Variants in ATP2B1 observed in about 807,000 individuals in gnomAD.
ATP2B1 encodes the protein ATPase plasma membrane Ca2+ transporting 1.
ATP2B1 carries 14 observed loss-of-function variants against 124.2 expected under a neutral mutation model. The ratio of observed to expected loss-of-function variants is 0.11; its 90% CI spans 0.07 to 0.18. The LOEUF (loss-of-function observed/expected upper bound fraction) is 0.18. Among genes scored for constraint, ATP2B1 ranks in the 10% least tolerant of loss-of-function variants. The pLI, the probability that ATP2B1 is intolerant of heterozygous loss-of-function variation, is 1.00. For missense variants in ATP2B1, 763 were observed against 1,466.1 expected, an observed-to-expected ratio of 0.52 and a Z score of 7.83; for synonymous variants, 449 against 492.4, an observed-to-expected ratio of 0.91 and a Z score of 1.17.
intron 1 of ATP2B1, among the ~76,000 whole-genome samples, chr12:89,707,200 T>A (rs1237289138): frequency 6.6e-6 from 1 of 152,090 alleles, no homozygotes; most frequent in Non-Finnish European, 1.5e-5. Flanking sequence ...TCGGGAAGGC[T>A]GGCATCGGGG....
intron 12 of ATP2B1, chr12:89,612,269 ACAAT>A (rs1271273898): frequency 1.3e-5 from 2 of 152,174 alleles, no homozygotes; most frequent in African/African-American, 4.8e-5. Context: ...TCAGTATAAC[ACAAT>A]CAGTGTTTGT....
Position 89,635,166 on chromosome 12 carries a change from C to A in ATP2B1, c.492G>T (p.Val164=). The part of the protein sequence containing the change: ...IEGAAILLSV[V]CVVLVTAFND... ...TGAAAGCTGTTACTAACACCACACA[C>A]ACTACAGACAAGAGGATTGCAGCTC... The change falls in exon 4 of 21, where the codon GTG becomes GTT. Residue 164 remains valine (V), a synonymous_variant. Coordinates refer to ENST00000428670, the MANE Select transcript of ATP2B1 (RefSeq NM_001366521.1). 1 of 1,613,938 alleles carries A rather than the reference C, an allele frequency of 6.2e-7. No individual in the cohort carries two copies. The highest frequency in any genetic ancestry group is 8.5e-7 in the Non-Finnish European group (1 of 1,179,886).
chr12:89,591,419 T>A, intron 20 of ATP2B1, 124 bp from the exon 21 acceptor site: 1 of 796,466 alleles, frequency 1.3e-6, no homozygotes, highest in Non-Finnish European at 1.9e-6. Flanking sequence ...TGTAATGCAG[T>A]GGAACTTGCA....
intron 20 of ATP2B1, chr12:89,594,882 T>C (rs574526475): frequency 3.3e-5 from 5 of 152,082 alleles, no homozygotes; most frequent in African/African-American, 1.2e-4. Flanking sequence ...CTACAACAAA[T>C]TGCCCACTTC....
intron 1 of ATP2B1, among the ~76,000 whole-genome samples, chr12:89,704,307 T>A (rs866906381): frequency 2.4e-4 from 36 of 152,194 alleles, no homozygotes; most frequent in African/African-American, 8.2e-4. Context: ...AAATATAGTA[T>A]TTCAGATACG....
chr12:89,605,128 T>C (rs1876584938), intron 15 of ATP2B1, among the ~76,000 whole-genome samples: 3 of 152,288 alleles, frequency 2.0e-5, no homozygotes, highest in Admixed American at 6.5e-5. Flanking sequence ...GACTCTTCTG[T>C]ACAAAGTTCA....
intron 1 of ATP2B1, among the ~76,000 whole-genome samples, chr12:89,688,090 C>T (rs1193291917): frequency 6.6e-6 from 1 of 152,028 alleles, no homozygotes; most frequent in Non-Finnish European, 1.5e-5. Flanking sequence ...CCCAAAGGCA[C>T]TCACTTTCTT....
chr12:89,685,806 A>G (rs1391478222), intron 1 of ATP2B1, among the ~76,000 whole-genome samples: 1 of 152,126 alleles, frequency 6.6e-6, no homozygotes, highest in Non-Finnish European at 1.5e-5. Context: ...TAAGCATTAA[A>G]ACAGGTCTTA....
chr12:89,647,043 G>A (rs1157595081), intron 2 of ATP2B1, among the ~76,000 whole-genome samples: 2 of 152,220 alleles, frequency 1.3e-5, no homozygotes, highest in Non-Finnish European at 2.9e-5. Context: ...AGAAAGTAAA[G>A]TATGAGATAT....
At chr12:89,598,063 A>AAAAAAAAAAAAAAAG (rs1875031990) in intron 20 of ATP2B1, among the ~76,000 whole-genome samples, 1 of 145,336 alleles carries the variant, frequency 6.9e-6, no homozygotes, top group Non-Finnish European at 1.5e-5. Flanking sequence ...AAAAAAAAAA[A>AAAAAAAAAAAAAAAG]TCAAAGCAAG....
At chr12:89,705,257 C>T in intron 1 of ATP2B1, among the ~76,000 whole-genome samples, 1 of 152,092 alleles carries the variant, frequency 6.6e-6, no homozygotes, top group Non-Finnish European at 1.5e-5. Context: ...TCAGATTCCA[C>T]CTAGTCCCAA....
chr12:89,679,464 T>C (rs1182755377), intron 1 of ATP2B1, among the ~76,000 whole-genome samples: 3 of 152,144 alleles, frequency 2.0e-5, no homozygotes, highest in South Asian at 4.1e-4. Flanking sequence ...AAAAAGCTCC[T>C]GTGGAACTTC....
At chr12:89,648,738 CAG>C (rs776480226) in intron 2 of ATP2B1, among the ~76,000 whole-genome samples, 2 of 152,246 alleles carry the variant, frequency 1.3e-5, no homozygotes, top group Non-Finnish European at 2.9e-5. Context: ...GAAGGCATTT[CAG>C]AGATCTTTGG....
Position 89,655,776 on chromosome 12 carries a change from G to A in ATP2B1, c.111C>T (p.Leu37=). 6.2e-7 allele frequency: 1 copy of A among 1,614,182 alleles called. No individual in the cohort carries two copies. Among genetic ancestry groups the A allele is most frequent in the South Asian group, 1.1e-5 (1 of 91,084 alleles). The change falls in exon 2 of 21, where the codon CTC becomes CTT. Residue 37 remains leucine, a synonymous_variant. Transcript: ENST00000428670. The part of the protein sequence containing the change: ...FGITLAELRA[L]MELRSTDALR... ...ATGCATCTGTGGACCTGAGCTCCAT[G>A]AGAGCCCGCAGCTCTGCGAGCGTAA...
intron 20 of ATP2B1, among the ~76,000 whole-genome samples, chr12:89,597,013 G>A (rs1874750746): frequency 6.6e-6 from 1 of 152,114 alleles, no homozygotes; most frequent in South Asian, 2.1e-4. Context: ...GTAGGCTAAG[G>A]ACCCTGTTAA....
chr12:89,702,417 A>G (rs898627863), intron 1 of ATP2B1, among the ~76,000 whole-genome samples: 1 of 152,240 alleles, frequency 6.6e-6, no homozygotes, highest in Non-Finnish European at 1.5e-5. Context: ...TCTGGCACAA[A>G]TATGAAAGGT....
In ATP2B1 at chr12:89,641,927, A is replaced by G. The variant is rs538954162; in HGVS notation, c.406+231T>C. On this transcript the variant is annotated intron_variant, in intron 3 of 20. Transcript: ENST00000428670. Reference sequence around the variant, plus strand: ...TCTGTGCCAGACACATAGTAAGCATATATGGATAGGTTATTTAACCTCTGT... The same window carrying G: ...TCTGTGCCAGACACATAGTAAGCATGTATGGATAGGTTATTTAACCTCTGT... 9.2e-5 allele frequency: 47 copies of G among 508,786 alleles called. No individual in the cohort carries two copies. The East Asian group carries it at 1.4e-3, about 15-fold the overall frequency. The allele number at this position is 508,786 out of a possible 1,614,324, so 31.5% of individuals were successfully genotyped here.
intron 1 of ATP2B1, among the ~76,000 whole-genome samples, chr12:89,690,418 G>T (rs1208208570): frequency 6.6e-6 from 1 of 151,298 alleles, no homozygotes; most frequent in Non-Finnish European, 1.5e-5. Flanking sequence ...TAAGTATAGG[G>T]ACATCGGTAA....
In ATP2B1 at chr12:89,601,835, ATATAGT is replaced by A. The variant is rs1032947453; in HGVS notation, c.3061-408_3061-403del. ...TCAAATAATCTGTGCCTTTCTCAAA[ATATAGT>A]ACTCTTTTGTAGAAAAGACTGTATG... is the stretch of plus-strand genomic sequence containing the variant. On this transcript the variant is annotated intron_variant, in intron 18 of 20. Transcript: ENST00000428670. Among the ~76,000 whole-genome samples the A allele has an allele frequency of 1.7e-3, 253 of 152,288 alleles. 3 individuals are homozygous for A. The highest frequency in any genetic ancestry group is 6.0e-3 in the African/African-American group (248 of 41,564).
Sources: allele counts gnomAD v4.1 joint callset (sites outside exome capture counted in the v4.1 genomes callset), GRCh38; gene constraint gnomAD v4.1.1; transcripts MANE v1.5; gene names NCBI Gene and HGNC (gene_info 2026-07-23, HGNC 2026-07-21).